The following MEIS2 variants were observed in gnomAD, a reference collection of about 807,000 sequenced individuals.
MEIS2 encodes the protein Meis homeobox 2, also known as homeobox protein Meis2.
A neutral mutation model predicts 58.6 loss-of-function variants in MEIS2; 9 were observed. The observed-to-expected ratio is 0.15, with a 90% CI of 0.09 to 0.27. MEIS2 has a LOEUF of 0.27. MEIS2 is among the 10% of genes least tolerant of loss of function. The probability of loss-of-function intolerance (pLI) is 1.00; values close to 1 mark genes in which losing one functional copy is unlikely to be tolerated. For synonymous variants in MEIS2, 221 were observed against 228.4 expected (o/e 0.97, Z 0.29); for missense variants, 427 against 635.0 (o/e 0.67, Z 3.52).
intron 8 of MEIS2, among the ~76,000 whole-genome samples, chr15:36,958,699 A>T (rs886865091): frequency 5.3e-5 from 8 of 152,216 alleles, no homozygotes; most frequent in African/African-American, 1.7e-4. Flanking sequence ...TCCCAAGGCT[A>T]GAGAAAGATA....
intron 8 of MEIS2, among the ~76,000 whole-genome samples, chr15:36,979,542 T>C (rs1320181696): frequency 6.6e-6 from 1 of 151,896 alleles, no homozygotes; most frequent in African/African-American, 2.4e-5. Flanking sequence ...TTTTTTTTCA[T>C]GGTTACTGAT....
intron 8 of MEIS2, among the ~76,000 whole-genome samples, chr15:36,964,813 C>T (rs2059303765): frequency 6.6e-6 from 1 of 152,128 alleles, no homozygotes; most frequent in Admixed American, 6.5e-5. Flanking sequence ...GTCATCAGGT[C>T]ACACTTCAGG....
intron 8 of MEIS2, among the ~76,000 whole-genome samples, chr15:37,004,459 G>A (rs916460366): frequency 2.0e-5 from 3 of 152,186 alleles, no homozygotes; most frequent in African/African-American, 4.8e-5. Flanking sequence ...CCAGGAAAAG[G>A]AAAATAATCT....
At chr15:37,006,697 G>A (rs773810764) in intron 8 of MEIS2, among the ~76,000 whole-genome samples, 17 of 152,188 alleles carry the variant, frequency 1.1e-4, no homozygotes, top group Non-Finnish European at 1.5e-4. Flanking sequence ...AGAACTGTTC[G>A]TTGTTCACCT....
At chr15:36,948,495 A>G (rs921569243) in intron 9 of MEIS2, among the ~76,000 whole-genome samples, 6 of 152,004 alleles carry the variant, frequency 3.9e-5, no homozygotes, top group South Asian at 2.1e-4. Context: ...GAACAAGATC[A>G]AATATCAATG....
At chr15:37,010,640 C>T (rs2061116261) in intron 8 of MEIS2, among the ~76,000 whole-genome samples, 1 of 152,226 alleles carries the variant, frequency 6.6e-6, no homozygotes, top group Non-Finnish European at 1.5e-5. Context: ...CGGCCTCCGC[C>T]AGTGCTGGGA....
chr15:36,998,119 G>C (rs2060591194), intron 8 of MEIS2, among the ~76,000 whole-genome samples: 1 of 151,906 alleles, frequency 6.6e-6, no homozygotes, highest in Non-Finnish European at 1.5e-5. Context: ...CGGGCTATAG[G>C]TTGTTCATGT....
chr15:37,024,119 A>G (rs1157758449), intron 8 of MEIS2, among the ~76,000 whole-genome samples: 1 of 151,760 alleles, frequency 6.6e-6, no homozygotes, highest in Non-Finnish European at 1.5e-5. Context: ...GTTGGTCTTG[A>G]ACTCCTGATG....
chr15:36,976,279 T>C (rs1238491553), intron 8 of MEIS2, among the ~76,000 whole-genome samples: 1 of 151,652 alleles, frequency 6.6e-6, no homozygotes, highest in Non-Finnish European at 1.5e-5. Flanking sequence ...AGAGACGGGG[T>C]TTCACCATGT....
chr15:37,062,181 C>T (rs1480011978), intron 7 of MEIS2, among the ~76,000 whole-genome samples: 1 of 152,144 alleles, frequency 6.6e-6, no homozygotes, highest in Non-Finnish European at 1.5e-5. Flanking sequence ...GATCTCCAGG[C>T]CAATACTCTT....
chr15:36,968,912 A>T (rs1052150419), intron 8 of MEIS2, among the ~76,000 whole-genome samples: 1 of 152,242 alleles, frequency 6.6e-6, no homozygotes, highest in African/African-American at 2.4e-5. Flanking sequence ...TCTCAGTAAA[A>T]AAGTATCTAT....
chr15:37,087,865 G>C (rs773641925), intron 6 of MEIS2, among the ~76,000 whole-genome samples: 4 of 152,024 alleles, frequency 2.6e-5, no homozygotes, highest in African/African-American at 4.8e-5. Context: ...TTCTTCCATG[G>C]GGCCAGTGGG....
intron 9 of MEIS2, among the ~76,000 whole-genome samples, chr15:36,925,592 G>A (rs1406070836): frequency 6.6e-6 from 1 of 152,148 alleles, no homozygotes; most frequent in African/African-American, 2.4e-5. Flanking sequence ...TACAGTCTGT[G>A]CAGTAATCCT....
intron 8 of MEIS2, among the ~76,000 whole-genome samples, chr15:36,998,260 T>TTG (rs2060600069): frequency 1.3e-5 from 2 of 148,454 alleles, no homozygotes; most frequent in African/African-American, 5.1e-5. Context: ...TTTTTTTTTT[T>TTG]TGGTCTTCCT....
At chr15:37,095,981 C>G (rs923844015) in intron 3 of MEIS2, 1 of 448,512 alleles carries the variant, frequency 2.2e-6, no homozygotes, top group African/African-American at 1.9e-5. Context: ...CTCACAGCCC[C>G]TCTCCCCAAT....
chr15:37,043,366 A>G (rs1456986605), intron 7 of MEIS2, among the ~76,000 whole-genome samples: 1 of 152,196 alleles, frequency 6.6e-6, no homozygotes, highest in Non-Finnish European at 1.5e-5. Flanking sequence ...CACTAATTTT[A>G]TATATACACA....
At chr15:37,042,439 G>A (rs1200110932) in intron 7 of MEIS2, among the ~76,000 whole-genome samples, 4 of 152,138 alleles carry the variant, frequency 2.6e-5, no homozygotes, top group African/African-American at 9.7e-5. Context: ...TGAGGAAACT[G>A]AAGCCAGGAG....
At chr15:36,924,427 AG>A (rs1333883435) in intron 9 of MEIS2, among the ~76,000 whole-genome samples, 3 of 152,246 alleles carry the variant, frequency 2.0e-5, no homozygotes, top group African/African-American at 7.2e-5. Context: ...AAATTTTGTC[AG>A]AAAAGAAAGC....
At chr15:36,937,035 A>C (rs698456) in intron 9 of MEIS2, among the ~76,000 whole-genome samples, 54,235 of 152,120 alleles carry the variant, frequency 0.36, 10,215 homozygotes, top group African/African-American at 0.48. Context: ...GTGAACAAGC[A>C]ACCCATGAAA....
Sources: allele counts gnomAD v4.1 joint callset (sites outside exome capture counted in the v4.1 genomes callset), GRCh38; gene constraint gnomAD v4.1.1; transcripts MANE v1.5; gene names NCBI Gene and HGNC (gene_info 2026-07-23, HGNC 2026-07-21).